The following PEX14 variants were observed in gnomAD, a reference collection of about 807,000 sequenced individuals.
PEX14 encodes peroxisomal membrane protein PEX14.
Under a neutral mutation model 49.5 loss-of-function variants are expected in PEX14, and 15 were observed. The ratio of observed to expected loss-of-function variants is 0.30; its 90% CI spans 0.20 to 0.47. The LOEUF is 0.47. PEX14 is among the 20% of genes least tolerant of loss of function. The probability of loss-of-function intolerance (pLI) is 1.00; values close to 1 mark genes in which losing one functional copy is unlikely to be tolerated. For missense variants in PEX14, 398 were observed against 494.8 expected, an observed-to-expected ratio of 0.80 and a Z score of 1.86; for synonymous variants, 210 against 212.7, an observed-to-expected ratio of 0.99 and a Z score of 0.11.
At chr1:10,559,619 C>G (rs1468962194) in intron 3 of PEX14, among the ~76,000 whole-genome samples, 1 of 152,138 alleles carries the variant, frequency 6.6e-6, no homozygotes, top group Non-Finnish European at 1.5e-5. Context: ...CAGCCTCCCC[C>G]CACCACCACC....
rs1385829470 is a variant in PEX14, at chr1:10,629,538, T to C, written c.685T>C (p.Phe229Leu). 1 of 1,610,466 alleles carries C rather than the reference T, an allele frequency of 6.2e-7. No individual in the cohort carries two copies. Among genetic ancestry groups the C allele is most frequent in the South Asian group, 1.1e-5 (1 of 91,008 alleles). ...CCCTTCTTCTCCCTCTAGGAGGCAG[T>C]TCCCTCCATCCCCATCAGCCCCGAA... ...LKGLLLNRRQ[F>L]PPSPSAPKIP... is the part of the protein sequence containing the mutation. Residue 229 changes from phenylalanine to leucine, a missense_variant, in exon 9 of 9, where the codon TTC (phenylalanine) becomes CTC (leucine). By Grantham distance (22) the Phe-to-Leu change is conservative (BLOSUM62 0). This residue lies in a region of PEX14 where 202 missense variants were observed against 298.5 expected (regional missense o/e 0.68). Transcript: ENST00000356607. This position sits in a 1 kb window ranked among gnomAD's most constrained non-coding sequence, Gnocchi z 8.5.
At chr1:10,589,618 G>T (rs1240853194) in intron 3 of PEX14, among the ~76,000 whole-genome samples, 3 of 151,870 alleles carry the variant, frequency 2.0e-5, no homozygotes, top group Non-Finnish European at 4.4e-5. Context: ...TCACTATGTT[G>T]CCCAGGCTGG....
intron 3 of PEX14, among the ~76,000 whole-genome samples, chr1:10,555,210 G>A (rs771029973): frequency 6.6e-6 from 1 of 151,662 alleles, no homozygotes; most frequent in Non-Finnish European, 1.5e-5. Context: ...ACTTTGGTGG[G>A]CTTTTACCTC....
chr1:10,615,569 C>G (rs754735857), intron 4 of PEX14, among the ~76,000 whole-genome samples: 2 of 152,224 alleles, frequency 1.3e-5, no homozygotes, highest in Non-Finnish European at 2.9e-5. Flanking sequence ...GAATTATCGG[C>G]CCCATGGAGG....
intron 2 of PEX14, among the ~76,000 whole-genome samples, chr1:10,530,421 C>T (rs1050075603): frequency 6.6e-6 from 1 of 152,248 alleles, no homozygotes; most frequent in East Asian, 1.9e-4. Context: ...GGAGCGGCCG[C>T]CCCGGCCTGC....
At chr1:10,593,796 A>G (rs1640743398) in intron 3 of PEX14, among the ~76,000 whole-genome samples, 1 of 152,220 alleles carries the variant, frequency 6.6e-6, no homozygotes, top group Admixed American at 6.5e-5. Flanking sequence ...CTTTATGTTC[A>G]GAGACAATAG....
Position 10,628,959 on chromosome 1 carries a change from C to T in PEX14, c.678-572C>T, listed in dbSNP as rs1363174525. On this transcript the variant is annotated intron_variant, in intron 8 of 8. Transcript: ENST00000356607. The surrounding 1 kb of genome is among the most constrained non-coding windows in gnomAD (Gnocchi z 4.5). ...TACGGAGCAGAAGGGAGAGCTGCCT[C>T]TTCTGCGTTGAAAGTGTTGAGCTCA... is the stretch of plus-strand genomic sequence containing the variant. Among the ~76,000 whole-genome samples the T allele has an allele frequency of 2.0e-5, 3 of 152,244 alleles. No homozygotes were observed. Among genetic ancestry groups the T allele is most frequent in the Non-Finnish European group, 4.4e-5 (3 of 68,044 alleles).
intron 3 of PEX14, among the ~76,000 whole-genome samples, chr1:10,570,872 G>C (rs1557850929): frequency 2.9e-5 from 1 of 34,586 alleles, no homozygotes; most frequent in African/African-American, 6.0e-5. Flanking sequence ...TTTTGAGATG[G>C]TATCTTACTC....
intron 3 of PEX14, among the ~76,000 whole-genome samples, chr1:10,551,407 C>T (rs1639330086): frequency 6.6e-6 from 1 of 152,170 alleles, no homozygotes; most frequent in Admixed American, 6.5e-5. Context: ...CTCCATGAAG[C>T]CGAGCTCATC....
chr1:10,617,209 C>T (rs1335768900), intron 4 of PEX14: 3 of 152,202 alleles, frequency 2.0e-5, no homozygotes, highest in African/African-American at 7.2e-5. Flanking sequence ...GCAATGTGTT[C>T]TCCTGAGACA....
chr1:10,504,567 C>A (rs1273434188), intron 2 of PEX14, among the ~76,000 whole-genome samples: 1 of 152,274 alleles, frequency 6.6e-6, no homozygotes, highest in East Asian at 1.9e-4. Flanking sequence ...TCCCTTTACC[C>A]AGCTGTGTCT....
chr1:10,493,001 G>T (rs1460953672), intron 1 of PEX14, among the ~76,000 whole-genome samples: 1 of 152,302 alleles, frequency 6.6e-6, no homozygotes, highest in East Asian at 1.9e-4. Flanking sequence ...CTGAGGAAGT[G>T]TCTTAGCTGG....
chr1:10,557,793 A>C (rs1298593891), intron 3 of PEX14, among the ~76,000 whole-genome samples: 1 of 151,646 alleles, frequency 6.6e-6, no homozygotes, highest in African/African-American at 2.4e-5. Context: ...AAGCATGGAA[A>C]ACCCTTCCCC....
intron 2 of PEX14, among the ~76,000 whole-genome samples, chr1:10,519,906 C>T (rs944003367): frequency 6.6e-6 from 1 of 152,096 alleles, no homozygotes; most frequent in African/African-American, 2.4e-5. Context: ...CTCCATGTAG[C>T]TGGGACCATA....
At chr1:10,516,669 G>A (rs1641975610) in intron 2 of PEX14, among the ~76,000 whole-genome samples, 1 of 152,228 alleles carries the variant, frequency 6.6e-6, no homozygotes, top group East Asian at 1.9e-4. Context: ...CCAGCTTCTA[G>A]CTACTTGCAG....
chr1:10,480,875 T>G (rs1015436790), intron 1 of PEX14, among the ~76,000 whole-genome samples: 17 of 148,738 alleles, frequency 1.1e-4, no homozygotes, highest in Admixed American at 9.9e-4. Flanking sequence ...ATATATTTTT[T>G]TTTTTGGAAG....
In PEX14 at chr1:10,495,915, C is replaced by T. The variant is rs1641551924; in HGVS notation, c.84+594C>T. 6.6e-6 allele frequency among the ~76,000 whole-genome samples: 1 copy of T among 152,134 alleles called. No individual in the cohort carries two copies. The highest frequency in any genetic ancestry group is 6.5e-5 in the Admixed American group (1 of 15,268). Reference sequence around the variant, plus strand: ...TTTCATTCTTTTTTGCTTTTCAGGGCCTGCTGTAAGTCCTCTTGGCTGGGT... The same window carrying T: ...TTTCATTCTTTTTTGCTTTTCAGGGTCTGCTGTAAGTCCTCTTGGCTGGGT... On this transcript the variant is annotated intron_variant, in intron 2 of 8. Coordinates refer to ENST00000356607, the MANE Select transcript of PEX14 (RefSeq NM_004565.3). This position sits in a 1 kb window ranked among gnomAD's most constrained non-coding sequence, Gnocchi z 4.2.
chr1:10,571,015 G>GT (rs34811019), intron 3 of PEX14, among the ~76,000 whole-genome samples: 5,298 of 74,550 alleles, frequency 0.071, 533 homozygotes, highest in African/African-American at 0.19. Context: ...CGCCTGGCTA[G>GT]TTTTTTTTTT....
rs533879022 is a variant in PEX14 at position 10,494,893 on chromosome 1, G to A, written c.37-381G>A. Among the ~76,000 whole-genome samples, 2 of 152,290 alleles carry A rather than the reference G, an allele frequency of 1.3e-5. No homozygotes were observed. Among genetic ancestry groups the A allele is most frequent in the Admixed American group, 6.5e-5 (1 of 15,296 alleles). On this transcript the variant is annotated intron_variant, in intron 1 of 8. Coordinates refer to ENST00000356607, the MANE Select transcript of PEX14 (RefSeq NM_004565.3). This position sits in a 1 kb window ranked among gnomAD's most constrained non-coding sequence, Gnocchi z 4.3. The stretch of plus-strand genomic sequence containing the variant: ...CTTCCCAGTCCCCTGACGTTGGGGA[G>A]GTGGCAGAAAGAGGAGGTGTTGTGC...
Sources: allele counts gnomAD v4.1 joint callset (sites outside exome capture counted in the v4.1 genomes callset), GRCh38; gene constraint gnomAD v4.1.1; regional missense constraint gnomAD v4.1.1; non-coding constraint Gnocchi (gnomAD v3.1); transcripts MANE v1.5; gene names NCBI Gene and HGNC (gene_info 2026-07-23, HGNC 2026-07-21).